Variants in SPATA25 observed in about 807,000 individuals in gnomAD.
SPATA25 encodes the protein spermatogenesis associated 25.
A neutral mutation model predicts 16.0 loss-of-function variants in SPATA25; 16 were observed. The observed-to-expected ratio is 1.00, with a 90% CI of 0.68 to 1.52. The LOEUF (loss-of-function observed/expected upper bound fraction) is 1.52. SPATA25 is among the 40% of genes most tolerant of loss of function. The pLI is 0.00. For synonymous variants in SPATA25, 115 were observed against 118.5 expected, an observed-to-expected ratio of 0.97 and a Z score of 0.19; for missense variants, 285 against 289.2, an observed-to-expected ratio of 0.99 and a Z score of 0.11.
At chr20:45,888,986 T>A, upstream of SPATA25, 1 of 1,241,984 alleles carries the variant, frequency 8.1e-7, no homozygotes, top group Non-Finnish European at 1.1e-6. Context: ...GGCAAGTCCT[T>A]ACTGCTCTCT....
At chr20:45,891,004 G>A (rs2868362), upstream of SPATA25, 792,621 of 1,475,728 alleles carry the variant, frequency 0.54, 219,818 homozygotes, top group Admixed American at 0.6. The surrounding 1 kb of genome is among the most constrained non-coding windows in gnomAD (Gnocchi z 4.6). Flanking sequence ...CTCGGCCATA[G>A]GGCAGGCCAG....
chr20:45,886,718 G>T lies in SPATA25; in HGVS notation c.483C>A (p.Ile161=), dbSNP rs758155853. Residue 161 remains isoleucine, a synonymous_variant, in exon 2 of 2, where the codon ATC becomes ATA. Transcript: ENST00000372519. ...DICILTLAMM[I]AGIPTVPVPG... ...GGACGGGCACGGTGGGGATGCCAGC[G>T]ATCATCATGGCGAGGGTGAGGATGC... 6.2e-7 allele frequency: 1 copy of T among 1,614,106 alleles called. No homozygotes were observed. The highest frequency in any genetic ancestry group is 8.5e-7 in the Non-Finnish European group (1 of 1,180,020).
upstream of SPATA25, among the ~76,000 whole-genome samples, chr20:45,888,257 A>G (rs939012298): frequency 6.6e-6 from 1 of 152,182 alleles, no homozygotes; most frequent in Non-Finnish European, 1.5e-5. Context: ...ACCTCAAGTG[A>G]TCTGCCCACC....
At chr20:45,890,787 C>T, upstream of SPATA25, 1 of 1,605,378 alleles carries the variant, frequency 6.2e-7, no homozygotes. Context: ...TCCTCGATCT[C>T]GACCAGGAAG....
chr20:45,888,642 T>G, upstream of SPATA25: 1 of 941,172 alleles, frequency 1.1e-6, no homozygotes, highest in Non-Finnish European at 1.6e-6. Flanking sequence ...GATCAAGATG[T>G]CAGCATCGGC....
upstream of SPATA25, chr20:45,890,512 C>A: frequency 1.9e-6 from 3 of 1,600,206 alleles, no homozygotes; most frequent in Non-Finnish European, 2.6e-6. Context: ...GGCTGCGGCC[C>A]ACCAGGCGGT....
Position 45,887,553 on chromosome 20 carries a change from G to T in SPATA25, c.38C>A (p.Pro13His). Residue 13 changes from proline to histidine, a missense_variant, in exon 1 of 2, where the codon CCT (proline) becomes CAT (histidine). Pro to His is a moderately conservative substitution (Grantham distance 77). Transcript: ENST00000372519. Reference sequence around the variant, plus strand: ...CCGCTCACCTTGGCCGGAAGGCAGAGGACCTGGATGAGTTTGTGGAGTCCT... The same window carrying T: ...CCGCTCACCTTGGCCGGAAGGCAGATGACCTGGATGAGTTTGTGGAGTCCT... ...YFRTPQTHPG[P>H]LPSGQGGAAS... 3 of 1,613,796 alleles carry T rather than the reference G, an allele frequency of 1.9e-6. No homozygotes were observed. In the South Asian group the frequency reaches 3.3e-5, roughly 18 times the overall value.
intron 1 of SPATA25, 105 bp from the exon 2 acceptor site, chr20:45,887,250 C>T (rs1986519285): frequency 2.9e-6 from 4 of 1,362,050 alleles, no homozygotes; most frequent in Non-Finnish European, 3.9e-6. Context: ...CTAAGACCAG[C>T]CCCAGCGGAC....
chr20:45,886,973 C>T lies in SPATA25; in HGVS notation c.228G>A (p.Gly76=), dbSNP rs529491989. ...AMPQARGCPG[G]TSWETLRKEY... is the part of the protein sequence containing the mutation. The stretch of plus-strand genomic sequence containing the variant: ...CCTTCCGTAGTGTCTCCCAGCTAGT[C>T]CCCCCAGGGCAGCCCCTGGCTTGTG... Residue 76 remains glycine (G), a synonymous_variant, in exon 2 of 2, where the codon GGG becomes GGA. Transcript: ENST00000372519. 8.1e-6 allele frequency: 13 copies of T among 1,613,752 alleles called. No individual in the cohort carries two copies. In the South Asian group the frequency reaches 1.1e-4, roughly 14 times the overall value.
At chr20:45,890,919 G>A, upstream of SPATA25, 1 of 1,538,724 alleles carries the variant, frequency 6.5e-7, no homozygotes, top group Non-Finnish European at 8.8e-7. Flanking sequence ...CGATGGAAGC[G>A]GGTGGGAGGG....
chr20:45,889,695 C>G (rs888715393), upstream of SPATA25, among the ~76,000 whole-genome samples: 1 of 150,022 alleles, frequency 6.7e-6, no homozygotes, highest in Admixed American at 6.6e-5. Context: ...CTCATTGCAA[C>G]CTCCACCTCT....
At chr20:45,890,349 G>A, upstream of SPATA25, 2 of 1,612,792 alleles carry the variant, frequency 1.2e-6, no homozygotes, top group Non-Finnish European at 1.7e-6. Flanking sequence ...CGGGCGCTCG[G>A]GCCCATGTCC....
chr20:45,887,171 C>T (rs771793668), intron 1 of SPATA25, 26 bp from the exon 2 acceptor site: 18 of 1,560,030 alleles, frequency 1.2e-5, no homozygotes, highest in Non-Finnish European at 1.5e-5. Context: ...TGAAATGGAA[C>T]GTTATTCTCA....
upstream of SPATA25, among the ~76,000 whole-genome samples, chr20:45,889,321 T>C (rs1986621509): frequency 6.6e-6 from 1 of 152,178 alleles, no homozygotes; most frequent in Non-Finnish European, 1.5e-5. Flanking sequence ...ATAGCCAATA[T>C]GCCCAAGTCT....
chr20:45,891,006 G>A (rs1182829676), upstream of SPATA25: 4 of 1,470,646 alleles, frequency 2.7e-6, no homozygotes, highest in South Asian at 2.8e-5. This position sits in a 1 kb window ranked among gnomAD's most constrained non-coding sequence, Gnocchi z 4.6. Flanking sequence ...CGGCCATAGG[G>A]CAGGCCAGCT....
chr20:45,890,639 TG>T, upstream of SPATA25: 1 of 1,613,176 alleles, frequency 6.2e-7, no homozygotes. Context: ...GCGGTTGTGG[TG>T]GCGCGTGATG....
upstream of SPATA25, among the ~76,000 whole-genome samples, chr20:45,887,797 T>C (rs1313866410): frequency 6.6e-6 from 1 of 152,238 alleles, no homozygotes; most frequent in Non-Finnish European, 1.5e-5. Flanking sequence ...TTCTAGGTTC[T>C]TGCCCTAACC....
upstream of SPATA25, chr20:45,890,601 C>T (rs370061686): frequency 1.4e-5 from 22 of 1,612,432 alleles, no homozygotes; most frequent in Middle Eastern, 1.6e-4. Context: ...GCCGCTGCCT[C>T]CGCCTCCGGG....
intron 1 of SPATA25, 65 bp downstream of exon 1, chr20:45,887,471 G>A: frequency 2.0e-6 from 3 of 1,533,746 alleles, no homozygotes; most frequent in Non-Finnish European, 1.8e-6. Flanking sequence ...CCTCCCCAGA[G>A]CCAGAAAGCA....
Sources: gnomAD v4.1 joint callset for allele counts (sites outside exome capture counted in the v4.1 genomes callset) on GRCh38, gnomAD v4.1.1 for gene constraint, Gnocchi (gnomAD v3.1) non-coding constraint, MANE v1.5 for transcripts, NCBI Gene and HGNC (gene_info 2026-07-23, HGNC 2026-07-21) for gene names.